Variants in CCSER1 observed in about 807,000 individuals in gnomAD.
CCSER1 encodes serine-rich coiled-coil domain-containing protein 1.
Under a neutral mutation model 82.0 loss-of-function variants are expected in CCSER1, and 41 were observed. The observed-to-expected ratio is 0.50, with a 90% CI of 0.39 to 0.65. The LOEUF (loss-of-function observed/expected upper bound fraction) is 0.65. Among genes scored for constraint, CCSER1 ranks in the 30% least tolerant of loss-of-function variants. CCSER1 has a pLI of 0.00. For synonymous variants in CCSER1, 414 were observed against 383.9 expected (o/e 1.08, Z -0.92); for missense variants, 1,119 against 1,064.2 (o/e 1.05, Z -0.72).
intron 10 of CCSER1, among the ~76,000 whole-genome samples, chr4:91,178,787 G>A (rs1173790680): frequency 1.3e-5 from 2 of 151,914 alleles, no homozygotes; most frequent in Non-Finnish European, 2.9e-5. Context: ...CTTTTAATGA[G>A]GGCATTTAGT....
At chr4:90,467,626 T>A (rs758353582) in intron 4 of CCSER1, among the ~76,000 whole-genome samples, 1 of 151,616 alleles carries the variant, frequency 6.6e-6, no homozygotes, top group Non-Finnish European at 1.5e-5. Flanking sequence ...GAGGTTGCAG[T>A]GAGCCAAGAT....
chr4:91,531,387 A>G (rs568803877), intron 10 of CCSER1, among the ~76,000 whole-genome samples: 1 of 152,318 alleles, frequency 6.6e-6, no homozygotes, highest in South Asian at 2.1e-4. Flanking sequence ...GAAGTGGCCT[A>G]TCTTGTAGTA....
chr4:90,555,748 A>G (rs1381555404), intron 5 of CCSER1, among the ~76,000 whole-genome samples: 13 of 152,040 alleles, frequency 8.6e-5, no homozygotes, highest in African/African-American at 2.7e-4. Flanking sequence ...TCATTTGATA[A>G]TAATTGCTAG....
chr4:90,528,481 T>G (rs547513987), intron 5 of CCSER1, among the ~76,000 whole-genome samples: 1 of 152,296 alleles, frequency 6.6e-6, no homozygotes, highest in South Asian at 2.1e-4. Context: ...TTTGGTGGAC[T>G]CAGTTTGATT....
At chr4:91,254,385 C>A (rs917289158) in intron 10 of CCSER1, among the ~76,000 whole-genome samples, 6 of 152,094 alleles carry the variant, frequency 3.9e-5, no homozygotes, top group African/African-American at 1.4e-4. Flanking sequence ...TAGAGAAATT[C>A]TGATGTGCTT....
chr4:91,389,771 G>A (rs1056461351), intron 10 of CCSER1, among the ~76,000 whole-genome samples: 1 of 151,816 alleles, frequency 6.6e-6, no homozygotes, highest in Non-Finnish European at 1.5e-5. Flanking sequence ...TTTATAGTTT[G>A]CCTCATGTAA....
rs139023511 is a variant in CCSER1 at position 91,601,172 on chromosome 4, G to A, written c.*2115G>A. The stretch of plus-strand genomic sequence containing the variant: ...TGGAGTTGATAGTTTTGTTTTCCTG[G>A]AAGATAGACTTTTGAATTATACTTT... On this transcript the variant is annotated 3_prime_UTR_variant, in exon 11 of 11. Transcript: ENST00000509176. 1.7e-4 allele frequency: 26 copies of A among 152,036 alleles called. No homozygotes were observed. The highest frequency in any genetic ancestry group is 6.0e-4 in the African/African-American group (25 of 41,512). The allele number at this position is 152,036 out of a possible 1,614,324, so 9.4% of individuals were successfully genotyped here. A position where few individuals can be genotyped will look rare whatever the true frequency, so the allele number is the denominator to read the frequency against.
At chr4:90,692,748 C>T (rs902775106) in intron 6 of CCSER1, among the ~76,000 whole-genome samples, 3 of 151,780 alleles carry the variant, frequency 2.0e-5, no homozygotes, top group Admixed American at 6.6e-5. Context: ...GACTTTAATA[C>T]GTCAACCATA....
chr4:90,542,210 T>C (rs1776197999), intron 5 of CCSER1, among the ~76,000 whole-genome samples: 1 of 151,996 alleles, frequency 6.6e-6, no homozygotes, highest in Non-Finnish European at 1.5e-5. Context: ...CTTGTCCAAA[T>C]TGAGAGAAAA....
intron 6 of CCSER1, among the ~76,000 whole-genome samples, chr4:90,701,229 A>T (rs943480147): frequency 2.0e-5 from 3 of 152,188 alleles, no homozygotes; most frequent in Non-Finnish European, 4.4e-5. Context: ...AGCACCATTT[A>T]TTAAACAGGG....
chr4:91,296,355 C>T (rs528031898), intron 10 of CCSER1, among the ~76,000 whole-genome samples: 132 of 150,194 alleles, frequency 8.8e-4, no homozygotes, highest in Middle Eastern at 3.5e-3. Context: ...TGGGGAATCC[C>T]ATATACTATA....
chr4:90,184,803 CAG>C (rs61411076), intron 1 of CCSER1, among the ~76,000 whole-genome samples: 1,848 of 151,888 alleles, frequency 0.012, 48 homozygotes, highest in African/African-American at 0.043. Context: ...AATGTGAGGG[CAG>C]AGAGGGGAGA....
chr4:90,616,594 A>C (rs1401555631), intron 5 of CCSER1, among the ~76,000 whole-genome samples: 1 of 151,590 alleles, frequency 6.6e-6, no homozygotes, highest in Non-Finnish European at 1.5e-5. Flanking sequence ...CTGAGTCAGG[A>C]GAATTGCTTG....
intron 10 of CCSER1, among the ~76,000 whole-genome samples, chr4:91,268,674 C>A (rs1204932328): frequency 6.6e-6 from 1 of 151,914 alleles, no homozygotes; most frequent in Non-Finnish European, 1.5e-5. Flanking sequence ...AGGGGTGGGG[C>A]TGTTTTATAG....
intron 1 of CCSER1, among the ~76,000 whole-genome samples, chr4:90,279,045 T>C (rs886433496): frequency 6.6e-6 from 1 of 152,110 alleles, no homozygotes; most frequent in Admixed American, 6.6e-5. Context: ...GCCCATGTTT[T>C]ACATTATATT....
chr4:91,523,765 T>C (rs1041464812), intron 10 of CCSER1, among the ~76,000 whole-genome samples: 1 of 152,160 alleles, frequency 6.6e-6, no homozygotes, highest in Non-Finnish European at 1.5e-5. Flanking sequence ...CTTCTCTCTT[T>C]TCTTCTTTAT....
intron 2 of CCSER1, among the ~76,000 whole-genome samples, chr4:90,310,072 T>A (rs982179590): frequency 1.3e-5 from 2 of 152,104 alleles, no homozygotes; most frequent in Non-Finnish European, 1.5e-5. Flanking sequence ...ATAATTTCCT[T>A]TGTTAACTAA....
At chr4:90,478,333 A>T (rs1034399779) in intron 5 of CCSER1, among the ~76,000 whole-genome samples, 6 of 152,202 alleles carry the variant, frequency 3.9e-5, no homozygotes, top group Non-Finnish European at 5.9e-5. Context: ...ACAATTGCCT[A>T]TATTCTTCAT....
intron 10 of CCSER1, among the ~76,000 whole-genome samples, chr4:91,171,190 C>A (rs1732712401): frequency 6.6e-6 from 1 of 152,042 alleles, no homozygotes; most frequent in Non-Finnish European, 1.5e-5. Flanking sequence ...TAAATATGGA[C>A]ATATATTAAA....
Sources: gnomAD v4.1 joint callset for allele counts (sites outside exome capture counted in the v4.1 genomes callset) on GRCh38, gnomAD v4.1.1 for gene constraint, MANE v1.5 for transcripts, NCBI Gene and HGNC (gene_info 2026-07-23, HGNC 2026-07-21) for gene names.